NTRK2: variants seen among roughly 807,000 people sequenced by gnomAD.
NTRK2 encodes BDNF/NT-3 growth factors receptor.
In NTRK2, 13 loss-of-function variants were observed where a neutral mutation model predicts 94.5. The ratio of observed to expected loss-of-function variants is 0.14; its 90% CI spans 0.09 to 0.22. The LOEUF is 0.22. Ranked by LOEUF, NTRK2 falls within the 10% of genes least tolerant of loss-of-function variation. NTRK2 has a pLI of 1.00. For missense variants in NTRK2, 639 were observed against 1,071.2 expected (o/e 0.60, Z 5.63); for synonymous variants, 372 against 407.4 (o/e 0.91, Z 1.05).
intron 14 of NTRK2, among the ~76,000 whole-genome samples, chr9:84,911,894 C>G (rs187390763): frequency 9.9e-5 from 15 of 152,106 alleles, no homozygotes; most frequent in Admixed American, 5.2e-4. Context: ...GCATTTAGTG[C>G]TATAATTTTT....
intron 14 of NTRK2, among the ~76,000 whole-genome samples, chr9:84,926,109 CCTTCCTT>C (rs2077761840): frequency 1.3e-3 from 58 of 43,878 alleles, no homozygotes; most frequent in African/African-American, 2.5e-3. Context: ...TCCTTCCTTT[CCTTCCTT>C]CCTTCCTTCC....
intron 14 of NTRK2, among the ~76,000 whole-genome samples, chr9:84,931,731 C>A (rs202232836): frequency 0.048 from 6,031 of 126,760 alleles, 174 homozygotes; most frequent in East Asian, 0.091. Context: ...AAAAAAAAAA[C>A]AAAAAAAACC....
chr9:84,722,383 G>T (rs751639663), intron 6 of NTRK2, among the ~76,000 whole-genome samples: 1 of 151,944 alleles, frequency 6.6e-6, no homozygotes, highest in African/African-American at 2.4e-5. Context: ...TGGCTTTGCC[G>T]GTAAGAATAC....
chr9:85,004,135 G>A (rs1379753516), intron 17 of NTRK2, among the ~76,000 whole-genome samples: 2 of 151,110 alleles, frequency 1.3e-5, no homozygotes, highest in Non-Finnish European at 2.9e-5. Context: ...AGGAAGGAAG[G>A]AAGGGAGGGA....
chr9:84,748,139 G>A (rs565570862), intron 11 of NTRK2, among the ~76,000 whole-genome samples: 2 of 152,304 alleles, frequency 1.3e-5, no homozygotes, highest in African/African-American at 4.8e-5. Context: ...AATATCCTCA[G>A]ATGAAAACTA....
chr9:85,023,811 G>A lies in NTRK2; in HGVS notation c.*2374G>A, dbSNP rs968497785. ...GCAAAAACCAACACAGGTTTGTCAC[G>A]CTGCATGTCTGGCCAGCTAATCTCG... On this transcript the variant is annotated 3_prime_UTR_variant, in exon 19 of 19. Coordinates refer to ENST00000277120, the MANE Select transcript of NTRK2 (RefSeq NM_006180.6). 20 of 229,448 alleles carry A rather than the reference G, an allele frequency of 8.7e-5. No individual in the cohort carries two copies. The highest frequency in any genetic ancestry group is 2.7e-4 in the African/African-American group (12 of 45,116). The allele number at this position is 229,448 out of a possible 1,614,324, so 14.2% of individuals were successfully genotyped here. A position where few individuals can be genotyped will look rare whatever the true frequency, so the allele number is the denominator to read the frequency against.
At chr9:84,963,337 G>A (rs1038485733) in intron 17 of NTRK2, among the ~76,000 whole-genome samples, 2 of 152,214 alleles carry the variant, frequency 1.3e-5, no homozygotes, top group Non-Finnish European at 2.9e-5. Context: ...GAAAAAGGAA[G>A]CAAATGGCTT....
intron 4 of NTRK2, among the ~76,000 whole-genome samples, chr9:84,705,309 C>T (rs1479820287): frequency 6.6e-6 from 1 of 152,128 alleles, no homozygotes; most frequent in Non-Finnish European, 1.5e-5. Context: ...CCTTAGAGCC[C>T]AGGGACTGTG....
At chr9:84,729,563 G>A (rs1166804700) in intron 9 of NTRK2, among the ~76,000 whole-genome samples, 1 of 152,178 alleles carries the variant, frequency 6.6e-6, no homozygotes, top group Non-Finnish European at 1.5e-5. Context: ...TTTTAGATCT[G>A]TAGAAAAGTT....
chr9:84,926,165 C>CTTG (rs2077786173), intron 14 of NTRK2, among the ~76,000 whole-genome samples: 29 of 48,420 alleles, frequency 6.0e-4, no homozygotes, highest in African/African-American at 2.0e-3. Flanking sequence ...TTCCTTCCTT[C>CTTG]CTTCCTTTCT....
In NTRK2 at chr9:85,026,345, C is replaced by A; in HGVS notation, c.*4908C>A. ...TAGTCTATGCATTAATGAAAATGAT[C>A]CTGAGTGGAGGTTAGCTGAACGTTC... On this transcript the variant is annotated 3_prime_UTR_variant, in exon 19 of 19. Transcript: ENST00000277120. 8.6e-6 allele frequency: 2 copies of A among 231,570 alleles called. No individual in the cohort carries two copies. Among genetic ancestry groups the A allele is most frequent in the Non-Finnish European group, 1.7e-5 (2 of 117,074 alleles). 14.3% of individuals were successfully genotyped at this position (231,570 alleles called of 1,614,324 possible).
At chr9:84,968,816 T>C (rs188087775) in intron 17 of NTRK2, among the ~76,000 whole-genome samples, 3 of 152,258 alleles carry the variant, frequency 2.0e-5, no homozygotes, top group Admixed American at 2.0e-4. Flanking sequence ...CATTGGGGAA[T>C]GGGGACAGAG....
chr9:84,810,356 T>C (rs2071634678), intron 12 of NTRK2, among the ~76,000 whole-genome samples: 1 of 152,252 alleles, frequency 6.6e-6, no homozygotes, highest in Non-Finnish European at 1.5e-5. Flanking sequence ...AATAATGAGA[T>C]GCCCATTTCC....
At chr9:84,942,774 T>C (rs1408384220) in intron 15 of NTRK2, among the ~76,000 whole-genome samples, 1 of 131,048 alleles carries the variant, frequency 7.6e-6, no homozygotes, top group Non-Finnish European at 1.6e-5. Context: ...ATCTGTTAGG[T>C]TTTTTTTTTA....
chr9:84,846,020 A>C (rs2074454499), intron 12 of NTRK2, among the ~76,000 whole-genome samples: 1 of 152,224 alleles, frequency 6.6e-6, no homozygotes, highest in Non-Finnish European at 1.5e-5. Context: ...CCTTCCCAAA[A>C]ATGGCTCTTA....
chr9:84,908,087 C>A (rs1248742600), intron 14 of NTRK2, among the ~76,000 whole-genome samples: 1 of 152,144 alleles, frequency 6.6e-6, no homozygotes, highest in African/African-American at 2.4e-5. Flanking sequence ...GCTACCAAAA[C>A]AAAACAAACA....
intron 4 of NTRK2, among the ~76,000 whole-genome samples, chr9:84,706,536 T>TTTG (rs1564093611): frequency 4.6e-5 from 6 of 129,308 alleles, no homozygotes; most frequent in African/African-American, 1.4e-4. Flanking sequence ...TGTTTTTTTT[T>TTTG]TTTTTTTTTT....
chr9:85,003,001 G>A (rs1033604498), intron 17 of NTRK2, among the ~76,000 whole-genome samples: 13 of 152,198 alleles, frequency 8.5e-5, no homozygotes, highest in African/African-American at 2.9e-4. Flanking sequence ...GGAGCTGAGT[G>A]AGCTTGGTGA....
In NTRK2 at chr9:84,670,590, G is replaced by C; in HGVS notation, c.-159G>C. ...GCCTGCCGGAACACTCTTCGCTCCG[G>C]ACCAGCTCAGCCTCTGATAAGCTGG... On this transcript the variant is annotated 5_prime_UTR_variant, in exon 2 of 19. Coordinates refer to ENST00000277120, the MANE Select transcript of NTRK2 (RefSeq NM_006180.6). 1.3e-6 allele frequency: 1 copy of C among 746,518 alleles called. No individual in the cohort carries two copies. The highest frequency in any genetic ancestry group is 2.3e-6 in the Non-Finnish European group (1 of 433,654). 46.2% of individuals were successfully genotyped at this position (746,518 alleles called of 1,614,324 possible). A position where few individuals can be genotyped will look rare whatever the true frequency, so the allele number is the denominator to read the frequency against.
Sources: gnomAD v4.1 joint callset for allele counts (sites outside exome capture counted in the v4.1 genomes callset) on GRCh38, gnomAD v4.1.1 for gene constraint, MANE v1.5 for transcripts, NCBI Gene and HGNC (gene_info 2026-07-23, HGNC 2026-07-21) for gene names.